GRIN2D: variants seen among roughly 807,000 people sequenced by gnomAD.
The protein encoded by GRIN2D is glutamate ionotropic receptor NMDA type subunit 2D, also known as glutamate receptor ionotropic, NMDA 2D.
GRIN2D carries 37 observed loss-of-function variants against 103.2 expected under a neutral mutation model. That is an observed-to-expected ratio of 0.36 (90% CI 0.28 to 0.47). GRIN2D has a LOEUF of 0.47. Ranked by LOEUF, GRIN2D falls within the 20% of genes least tolerant of loss-of-function variation. The pLI is 1.00. For missense variants in GRIN2D, 1,557 were observed against 1,910.6 expected (o/e 0.81, Z 3.45); for synonymous variants, 845 against 885.6 (o/e 0.95, Z 0.81).
chr19:48,429,848 C>T lies in GRIN2D; in HGVS notation c.2252+7903C>T, dbSNP rs534037355. The stretch of plus-strand genomic sequence containing the variant: ...CACCAGGATTACGGGCACGAGCCAC[C>T]GTGCCTGGAAAGAATTTTATCTTTA... On this transcript the variant is annotated intron_variant, in intron 11 of 13. Transcript: ENST00000263269. Among the ~76,000 whole-genome samples the T allele has an allele frequency of 1.7e-4, 26 of 151,932 alleles. 1 individual carries two copies. The highest frequency in any genetic ancestry group is 5.8e-4 in the African/African-American group (24 of 41,440).
chr19:48,436,564 G>C (rs368930169), intron 11 of GRIN2D, among the ~76,000 whole-genome samples: 46 of 152,318 alleles, frequency 3.0e-4, no homozygotes, highest in African/African-American at 1.1e-3. Flanking sequence ...CAAGAAGGGG[G>C]TCTTTTTAGG....
In GRIN2D at chr19:48,419,186, GA is replaced by G. The variant is rs771751792; in HGVS notation, c.1736-47del. On this transcript the variant is annotated intron_variant, in intron 8 of 13. Transcript: ENST00000263269. Reference sequence around the variant, plus strand: ...GAGGCACCGCCCCAGCCTGATCCCCGAGTCTTTTGCTTGGCTGAGCCATAAC... The same window carrying G: ...GAGGCACCGCCCCAGCCTGATCCCCGGTCTTTTGCTTGGCTGAGCCATAAC... 4.5e-6 allele frequency: 7 copies of G among 1,572,094 alleles called. No individual in the cohort carries two copies. In the Admixed American group the frequency reaches 1.4e-4, roughly 31 times the overall value.
chr19:48,443,492 T>C lies in GRIN2D; in HGVS notation c.3566T>C (p.Leu1189Pro), dbSNP rs1971334887. The C allele has an allele frequency of 2.2e-6, 3 of 1,359,640 alleles. No homozygotes were observed. Among genetic ancestry groups the C allele is most frequent in the Non-Finnish European group, 2.8e-6 (3 of 1,057,126 alleles). 84.2% of individuals were successfully genotyped at this position (1,359,640 alleles called of 1,614,324 possible). A position where few individuals can be genotyped will look rare whatever the true frequency, so the allele number is the denominator to read the frequency against. Residue 1189 changes from leucine (L) to proline (P), a missense_variant, in exon 14 of 14, where the codon CTG becomes CCG. By Grantham distance (98) the Leu-to-Pro change is moderately conservative (BLOSUM62 -3). This residue lies in a region of GRIN2D where 632 missense variants were observed against 572.8 expected (regional missense o/e 1.10). Transcript: ENST00000263269. The surrounding 1 kb of genome is among the most constrained non-coding windows in gnomAD (Gnocchi z 8.9). ...HCRHCASLEL[L>P]PPPRHLSCSH... is the part of the protein sequence containing the mutation. ...CGGCACTGCGCCAGCCTGGAGCTGCTGCCGCCGCCGCGCCATCTCAGCTGC... is the reference window on the plus strand; with the variant it reads ...CGGCACTGCGCCAGCCTGGAGCTGCCGCCGCCGCCGCGCCATCTCAGCTGC...
At chr19:48,395,062 C>T (rs1043896682) in intron 2 of GRIN2D, 126 bp downstream of exon 2, 2 of 152,312 alleles carry the variant, frequency 1.3e-5, no homozygotes, top group Admixed American at 1.3e-4. Flanking sequence ...GGTCTTGACC[C>T]CCACCTAGCT....
chr19:48,432,591 G>A (rs913615725), intron 11 of GRIN2D, among the ~76,000 whole-genome samples: 20 of 151,742 alleles, frequency 1.3e-4, no homozygotes, highest in Non-Finnish European at 2.1e-4. Flanking sequence ...CAATCCTCTC[G>A]CCTCAGCCTC....
intron 3 of GRIN2D, among the ~76,000 whole-genome samples, chr19:48,400,265 T>TCCAGAGGTGGGGCCAGCGCAAC (rs1245724392): frequency 2.0e-5 from 3 of 152,128 alleles, no homozygotes; most frequent in Non-Finnish European, 4.4e-5. Flanking sequence ...GCGGGGCCTC[T>TCCAGAGGTGGGGCCAGCGCAAC]CCAGAGGTGG....
In GRIN2D at chr19:48,405,857, A is replaced by G. The variant is rs1970786222; in HGVS notation, c.1085+504A>G. Among the ~76,000 whole-genome samples the G allele has an allele frequency of 6.6e-6, 1 of 152,212 alleles. No homozygotes were observed. On this transcript the variant is annotated intron_variant, in intron 4 of 13. Coordinates refer to ENST00000263269, the MANE Select transcript of GRIN2D (RefSeq NM_000836.4). The surrounding 1 kb of genome is among the most constrained non-coding windows in gnomAD (Gnocchi z 5.1). ...GTTCCATGTGATCATTCAGGGACCC[A>G]GGATTCTCCCACACTGTTACTCTGG...
In GRIN2D at chr19:48,421,522, G is replaced by A. The variant is rs141039028; in HGVS notation, c.2092-263G>A. On this transcript the variant is annotated intron_variant, in intron 10 of 13. Transcript: ENST00000263269. This position sits in a 1 kb window ranked among gnomAD's most constrained non-coding sequence, Gnocchi z 4.8. Reference sequence around the variant, plus strand: ...AGCCTCTACTCCCAGGACCTCCCGCGATTCAGTAAGTGAAGACTTAACACC... The same window carrying A: ...AGCCTCTACTCCCAGGACCTCCCGCAATTCAGTAAGTGAAGACTTAACACC... Among the ~76,000 whole-genome samples, 116 of 152,224 alleles carry A rather than the reference G, an allele frequency of 7.6e-4. No homozygotes were observed. Among genetic ancestry groups the A allele is most frequent in the South Asian group, 4.6e-3 (22 of 4,820 alleles).
chr19:48,398,779 C>A lies in GRIN2D; in HGVS notation c.387C>A (p.Ile129=), dbSNP rs746859578. Residue 129 remains isoleucine, a synonymous_variant, in exon 3 of 14, where the codon ATC becomes ATA. Coordinates refer to ENST00000263269, the MANE Select transcript of GRIN2D (RefSeq NM_000836.4). ...CGCGCGCGCCCGCCGTCGCGCCCAT[C>A]CTCGACTTCCTGTCGGCGCAGACCT... ...DDSRAPAVAP[I]LDFLSAQTSL... The A allele has an allele frequency of 6.2e-5, 90 of 1,461,352 alleles. No homozygotes were observed. In the African/African-American group the frequency reaches 1.1e-3, roughly 18 times the overall value. 90.5% of individuals were successfully genotyped at this position (1,461,352 alleles called of 1,614,324 possible). A position where few individuals can be genotyped will look rare whatever the true frequency, so the allele number is the denominator to read the frequency against.
chr19:48,419,161 G>T, intron 8 of GRIN2D, 73 bp from the exon 9 acceptor site: 1 of 1,465,804 alleles, frequency 6.8e-7, no homozygotes, highest in African/African-American at 1.4e-5. Context: ...GTACAGGCGT[G>T]AGGCACCGCC....
At chr19:48,432,976 A>C (rs1971176833) in intron 11 of GRIN2D, among the ~76,000 whole-genome samples, 1 of 149,226 alleles carries the variant, frequency 6.7e-6, no homozygotes, top group Admixed American at 6.7e-5. Context: ...TTTTCAGTAG[A>C]GGTGGGGTTT....
At position 48,442,729 on chromosome 19, in the gene GRIN2D, CG is replaced by C; in HGVS notation, c.2804del (p.Arg935ProfsTer39). On this transcript the variant is annotated frameshift_variant, in exon 14 of 14. Transcript: ENST00000263269. LOFTEE classifies it high-confidence loss of function. This position sits in a 1 kb window ranked among gnomAD's most constrained non-coding sequence, Gnocchi z 7.2. Reference protein sequence around the residue: ...PAPGPAPFVPRERASVDRWRR... With the variant: ...PAPGPAPFVPXERASVDRWRR... Reference sequence around the variant, plus strand: ...TCCCGGGCCCGCACCTTTCGTGCCCCGCGAGCGCGCCTCAGTGGACCGCTGG... The same window carrying C: ...TCCCGGGCCCGCACCTTTCGTGCCCCCGAGCGCGCCTCAGTGGACCGCTGG... 1 of 1,111,824 alleles carries C rather than the reference CG, an allele frequency of 9.0e-7. No individual in the cohort carries two copies. The highest frequency in any genetic ancestry group is 1.1e-6 in the Non-Finnish European group (1 of 910,558). 68.9% of individuals were successfully genotyped at this position (1,111,824 alleles called of 1,614,324 possible).
In GRIN2D at chr19:48,442,370, G is replaced by T. The variant is rs1971307449; in HGVS notation, c.2661G>T (p.Leu887=). The change falls in exon 13 of 14, where the codon CTG becomes CTT. Residue 887 remains leucine, a synonymous_variant. Coordinates refer to ENST00000263269, the MANE Select transcript of GRIN2D (RefSeq NM_000836.4). This position sits in a 1 kb window ranked among gnomAD's most constrained non-coding sequence, Gnocchi z 7.2. ...LGPTHRMDFL[L]AFSRGMYSCC... is the part of the protein sequence containing the mutation. ...CCACCCACCGCATGGACTTCCTGCT[G>T]GCCTTCTCCAGGGTATGGGGCAGAG... The T allele has an allele frequency of 1.2e-6, 2 of 1,611,406 alleles. No individual in the cohort carries two copies. The highest frequency in any genetic ancestry group is 1.7e-4 in the Middle Eastern group (1 of 6,060).
intron 11 of GRIN2D, among the ~76,000 whole-genome samples, chr19:48,440,768 C>T (rs1971281538): frequency 6.6e-6 from 1 of 152,124 alleles, no homozygotes; most frequent in South Asian, 2.1e-4. Flanking sequence ...CTCACAGCAA[C>T]CTCTGCCTCC....
chr19:48,412,570 C>T (rs1294075991), intron 4 of GRIN2D, among the ~76,000 whole-genome samples: 1 of 148,972 alleles, frequency 6.7e-6, no homozygotes, highest in African/African-American at 2.5e-5. Context: ...GGCGGATCAC[C>T]TGAGGTCATG....
chr19:48,425,199 G>C (rs1327931661), intron 11 of GRIN2D, among the ~76,000 whole-genome samples: 1 of 144,532 alleles, frequency 6.9e-6, no homozygotes, highest in Non-Finnish European at 1.5e-5. Context: ...CCTTGCAGTG[G>C]GAGAGCAAGA....
intron 3 of GRIN2D, among the ~76,000 whole-genome samples, chr19:48,399,780 G>A (rs1970686516): frequency 6.6e-6 from 1 of 151,424 alleles, no homozygotes; most frequent in African/African-American, 2.4e-5. Context: ...GAGAGAGGAG[G>A]ACGGGCAAGG....
intron 9 of GRIN2D, 64 bp from the exon 10 acceptor site, chr19:48,419,521 T>G: frequency 1.4e-6 from 2 of 1,439,494 alleles, no homozygotes; most frequent in South Asian, 1.2e-5. Flanking sequence ...CTTTCTTTTT[T>G]TTTTTTTCCC....
rs1415027918 is a variant in GRIN2D, at chr19:48,444,501, C to G, written c.*564C>G. ...TGACCCCTGACCCCAAACTGTGACC[C>G]GAACCCCAGACTGTGCCCCGACCAG... On this transcript the variant is annotated 3_prime_UTR_variant, in exon 14 of 14. Coordinates refer to ENST00000263269, the MANE Select transcript of GRIN2D (RefSeq NM_000836.4). This position sits in a 1 kb window ranked among gnomAD's most constrained non-coding sequence, Gnocchi z 5.5. 1 of 152,860 alleles carries G rather than the reference C, an allele frequency of 6.5e-6. No individual in the cohort carries two copies. Among genetic ancestry groups the G allele is most frequent in the Non-Finnish European group, 1.5e-5 (1 of 68,490 alleles). The allele number at this position is 152,860 out of a possible 1,614,324, so 9.5% of individuals were successfully genotyped here. A position where few individuals can be genotyped will look rare whatever the true frequency, so the allele number is the denominator to read the frequency against.
Sources: allele counts gnomAD v4.1 joint callset (sites outside exome capture counted in the v4.1 genomes callset), GRCh38; gene constraint gnomAD v4.1.1; regional missense constraint gnomAD v4.1.1; non-coding constraint Gnocchi (gnomAD v3.1); transcripts MANE v1.5; gene names NCBI Gene and HGNC (gene_info 2026-07-23, HGNC 2026-07-21).